The following TCERG1 variants were observed in gnomAD, a reference collection of about 807,000 sequenced individuals.
The protein encoded by TCERG1 is transcription elongation regulator 1.
Under a neutral mutation model 144.7 loss-of-function variants are expected in TCERG1, and 37 were observed. That is an observed-to-expected ratio of 0.26 (90% CI 0.20 to 0.34). The LOEUF (loss-of-function observed/expected upper bound fraction) is 0.34. Among genes scored for constraint, TCERG1 ranks in the 10% least tolerant of loss-of-function variants. TCERG1 has a pLI of 1.00. For synonymous variants in TCERG1, 492 were observed against 458.2 expected (o/e 1.07, Z -0.94); for missense variants, 1,027 against 1,380.7 (o/e 0.74, Z 4.06).
At chr5:146,493,128 CT>C in intron 16 of TCERG1, 90 bp downstream of exon 16, 1 of 964,752 alleles carries the variant, frequency 1.0e-6, no homozygotes, top group Non-Finnish European at 1.5e-6. Flanking sequence ...TATTTTTTGA[CT>C]ATTTGGGCAC....
At chr5:146,483,225 G>A (rs187831603) in intron 14 of TCERG1, among the ~76,000 whole-genome samples, 12 of 152,256 alleles carry the variant, frequency 7.9e-5, no homozygotes, top group Admixed American at 1.3e-4. Context: ...ATTGGAGCAA[G>A]CATGAGAAAT....
rs1029170044 is a variant in TCERG1 at position 146,470,740 on chromosome 5, A to G, written c.1504A>G (p.Ile502Val). The G allele has an allele frequency of 1.2e-6, 2 of 1,610,336 alleles. No homozygotes were observed. The highest frequency in any genetic ancestry group is 1.7e-6 in the Non-Finnish European group (2 of 1,178,928). Residue 502 changes from isoleucine to valine, a missense_variant, in exon 8 of 23, where the codon ATA becomes GTA. Physicochemically the swap from Ile to Val is conservative, Grantham distance 29. Around this residue, in one of 6 missense-constraint regions of TCERG1, gnomAD observed 482 missense variants for 632.6 expected, o/e 0.76. Transcript: ENST00000679501. The stretch of plus-strand genomic sequence containing the variant: ...TCCTAAAGAAGAGCCTATAAAGGAG[A>G]TAAAGGAGGTAAAGGGCCATGACCT... ...EDPKEEPIKE[I>V]KEEPKEEEMT... is the part of the protein sequence containing the mutation.
chr5:146,490,078 T>C (rs925933215), intron 15 of TCERG1, among the ~76,000 whole-genome samples: 11 of 152,226 alleles, frequency 7.2e-5, no homozygotes, highest in African/African-American at 1.9e-4. Context: ...AAGTATATAC[T>C]GAGAAGGGAG....
chr5:146,470,908 A>C (rs909386641), intron 8 of TCERG1, among the ~76,000 whole-genome samples, 160 bp downstream of exon 8: 2 of 152,110 alleles, frequency 1.3e-5, no homozygotes, highest in African/African-American at 4.8e-5. Context: ...TTTTTCTTTG[A>C]AAGTGTCATT....
At chr5:146,452,612 C>T (rs1762453472) in intron 1 of TCERG1, among the ~76,000 whole-genome samples, 1 of 152,128 alleles carries the variant, frequency 6.6e-6, no homozygotes, top group African/African-American at 2.4e-5. Flanking sequence ...ATTATTGAGA[C>T]AGAGTTTTGC....
chr5:146,452,924 G>C (rs1430744583), intron 1 of TCERG1, among the ~76,000 whole-genome samples: 2 of 152,140 alleles, frequency 1.3e-5, no homozygotes, highest in Admixed American at 1.3e-4. Context: ...CCAGTTGTGT[G>C]GCCTTGGACA....
At chr5:146,454,506 A>G (rs896000237) in intron 1 of TCERG1, among the ~76,000 whole-genome samples, 3 of 151,736 alleles carry the variant, frequency 2.0e-5, no homozygotes, top group African/African-American at 7.3e-5. Context: ...TCTTGTCTAA[A>G]TTTTTGCCTA....
In TCERG1 at chr5:146,503,476, A is replaced by G. The variant is rs568388642; in HGVS notation, c.2535A>G (p.Lys845=). 10 of 1,614,024 alleles carry G rather than the reference A, an allele frequency of 6.2e-6. No homozygotes were observed. In the South Asian group the frequency reaches 9.9e-5, roughly 16 times the overall value. Residue 845 remains lysine (K), a synonymous_variant, in exon 18 of 23, where the codon AAA becomes AAG. Transcript: ENST00000679501. The stretch of plus-strand genomic sequence containing the variant: ...AAGTAGAAAGTGATCCACGTTACAA[A>G]GCAGTAGATAGTTCATCAATGAGAG... The part of the protein sequence containing the change: ...KDKVESDPRY[K]AVDSSSMRED...
At chr5:146,473,114 A>G (rs77644544) in intron 9 of TCERG1, among the ~76,000 whole-genome samples, 2,778 of 152,344 alleles carry the variant, frequency 0.018, 87 homozygotes, top group African/African-American at 0.063. Context: ...TTTGGGCTAA[A>G]TAGCCAAGTT....
At chr5:146,449,963 C>T (rs1420022586) in intron 1 of TCERG1, among the ~76,000 whole-genome samples, 4 of 152,146 alleles carry the variant, frequency 2.6e-5, no homozygotes, top group Admixed American at 2.6e-4. Flanking sequence ...TCTGTGCTAT[C>T]ATTTCCTCTG....
chr5:146,503,265 CAT>C (rs1767647818), intron 17 of TCERG1, 108 bp from the exon 18 acceptor site: 1 of 939,378 alleles, frequency 1.1e-6, no homozygotes, highest in Non-Finnish European at 1.6e-6. Context: ...TTATTATTCT[CAT>C]ATTTAAGGTA....
rs78158682 is a variant in TCERG1, at chr5:146,461,265, T to G, written c.892+1928T>G. Among the ~76,000 whole-genome samples the G allele has an allele frequency of 9.9e-3, 1,514 of 152,326 alleles. 12 individuals carry two copies. Among genetic ancestry groups the G allele is most frequent in the African/African-American group, 0.035 (1,442 of 41,578 alleles). On this transcript the variant is annotated intron_variant, in intron 4 of 22. Coordinates refer to ENST00000679501, the MANE Select transcript of TCERG1 (RefSeq NM_001382548.1). Reference sequence around the variant, plus strand: ...TTTTTACTGCTTTTAAACATCAATTTTGATGTTGTCTACGTATTCCAGTGT... The same window carrying G: ...TTTTTACTGCTTTTAAACATCAATTGTGATGTTGTCTACGTATTCCAGTGT...
rs28372886 is a variant in TCERG1 at position 146,492,888 on chromosome 5, T to G, written c.2164-32T>G. ...TAGTTAAATTACCTATATGAAAGATTGACTTGTCAAATTTGTTGATTTTTA... is the reference window on the plus strand; with the variant it reads ...TAGTTAAATTACCTATATGAAAGATGGACTTGTCAAATTTGTTGATTTTTA... On this transcript the variant is annotated intron_variant, in intron 15 of 22. Coordinates refer to ENST00000679501, the MANE Select transcript of TCERG1 (RefSeq NM_001382548.1). 778 of 1,506,392 alleles carry G rather than the reference T, an allele frequency of 5.2e-4. 10 individuals carry two copies. In the East Asian group the frequency reaches 0.016, roughly 30 times the overall value. 93.3% of individuals were successfully genotyped at this position (1,506,392 alleles called of 1,614,324 possible).
At chr5:146,457,406 TG>T in intron 3 of TCERG1, 71 bp downstream of exon 3, 1 of 1,399,892 alleles carries the variant, frequency 7.1e-7, no homozygotes, top group Middle Eastern at 2.5e-4. Flanking sequence ...TCTGGCAGAT[TG>T]AGGTCAGTGA....
chr5:146,463,439 T>C (rs1763510095), intron 4 of TCERG1, 112 bp from the exon 5 acceptor site: 1 of 1,458,902 alleles, frequency 6.9e-7, no homozygotes. Flanking sequence ...TTTCTTGCAG[T>C]GCATAGAATG....
At position 146,468,384 on chromosome 5, in the gene TCERG1, A is replaced by G. The variant is rs374352248; in HGVS notation, c.1179A>G (p.Thr393=). 5.3e-5 allele frequency: 85 copies of G among 1,610,652 alleles called. No homozygotes were observed. In the Admixed American group the frequency reaches 1.1e-3, roughly 20 times the overall value. ...TAGTCAGCTGCCCGTATGTAAAGAC[A>G]GTCGCTACCACCAAGACCGGTAATT... ...MQIVSCPYVK[T]VATTKTGVLP... Residue 393 remains threonine, a synonymous_variant, in exon 6 of 23, where the codon ACA becomes ACG. Transcript: ENST00000679501.
At chr5:146,467,167 A>G (rs1763870744) in intron 5 of TCERG1, among the ~76,000 whole-genome samples, 1 of 152,164 alleles carries the variant, frequency 6.6e-6, no homozygotes, top group Non-Finnish European at 1.5e-5. Context: ...AAATAAAGGT[A>G]CTTTTCAATA....
chr5:146,470,848 A>G, intron 8 of TCERG1, 100 bp downstream of exon 8: 1 of 829,200 alleles, frequency 1.2e-6, no homozygotes. Context: ...AATAATTGTT[A>G]TAAATTTGAT....
At chr5:146,461,395 C>CTGAG (rs912819892) in intron 4 of TCERG1, among the ~76,000 whole-genome samples, 4 of 152,072 alleles carry the variant, frequency 2.6e-5, no homozygotes, top group African/African-American at 9.7e-5. Context: ...TAGTTAAGAT[C>CTGAG]TGAGGCTGGG....
Sources: allele counts gnomAD v4.1 joint callset (sites outside exome capture counted in the v4.1 genomes callset), GRCh38; gene constraint gnomAD v4.1.1; regional missense constraint gnomAD v4.1.1; transcripts MANE v1.5; gene names NCBI Gene and HGNC (gene_info 2026-07-23, HGNC 2026-07-21).